GRIK5: variants seen among roughly 807,000 people sequenced by gnomAD.
GRIK5 encodes the protein glutamate ionotropic receptor kainate type subunit 5, also known as glutamate receptor ionotropic, kainate 5.
In GRIK5, 43 loss-of-function variants were observed where a neutral mutation model predicts 97.4. That is an observed-to-expected ratio of 0.44 (90% CI 0.35 to 0.57). The LOEUF is 0.57. Among genes scored for constraint, GRIK5 ranks in the 20% least tolerant of loss-of-function variants. The pLI is 0.01. For synonymous variants in GRIK5, 580 were observed against 583.5 expected (o/e 0.99, Z 0.09); for missense variants, 1,015 against 1,382.0 (o/e 0.73, Z 4.21).
At chr19:42,024,433 GAACT>G (rs2075743785) in intron 12 of GRIK5, among the ~76,000 whole-genome samples, 1 of 152,036 alleles carries the variant, frequency 6.6e-6, no homozygotes, top group African/African-American at 2.4e-5. Flanking sequence ...GGCTGGTCTT[GAACT>G]CCTGACCTCA....
At chr19:42,023,428 T>C (rs2075727823) in intron 12 of GRIK5, among the ~76,000 whole-genome samples, 1 of 152,166 alleles carries the variant, frequency 6.6e-6, no homozygotes, top group African/African-American at 2.4e-5. Context: ...TGAATTGTCG[T>C]GGAAATCATC....
In GRIK5 at chr19:42,065,696, G is replaced by T. The variant is rs752815054; in HGVS notation, c.75C>A (p.Arg25=). ...CAGGGTGCGGGAGGGCCTCACCCAT[G>T]CGCAGTGATGAGAGCACCTGGCAGC... ...SPSCQVLSSL[R]MAAILDDQTV... is the part of the protein sequence containing the mutation. Residue 25 remains arginine (R), a synonymous_variant, in exon 2 of 20, where the codon CGC becomes CGA. Transcript: ENST00000593562. The surrounding 1 kb of genome is among the most constrained non-coding windows in gnomAD (Gnocchi z 5.8). 2 of 1,587,978 alleles carry T rather than the reference G, an allele frequency of 1.3e-6. No homozygotes were observed. Among genetic ancestry groups the T allele is most frequent in the East Asian group, 2.3e-5 (1 of 43,370 alleles).
chr19:42,004,131 A>G (rs2146012688), intron 17 of GRIK5, among the ~76,000 whole-genome samples: 1 of 152,264 alleles, frequency 6.6e-6, no homozygotes, highest in Admixed American at 6.5e-5. Context: ...TGATGACTTT[A>G]TTTAAAATGG....
In GRIK5 at chr19:42,053,858, G is replaced by T. The variant is rs1455594732; in HGVS notation, c.1128C>A (p.Arg376=). The change falls in exon 10 of 20, where the codon CGC becomes CGA. Residue 376 remains arginine, a synonymous_variant. Coordinates refer to ENST00000593562, the MANE Select transcript of GRIK5 (RefSeq NM_002088.5). The part of the protein sequence containing the change: ...SKGQRTNYTL[R]ILEKSRQGHR... ...GGCCCTGCCGGGACTTTTCTAGGATGCGCAGGGTGTAGTTGGTTCTCTGCC... is the reference window on the plus strand; with the variant it reads ...GGCCCTGCCGGGACTTTTCTAGGATTCGCAGGGTGTAGTTGGTTCTCTGCC... 1 of 1,613,982 alleles carries T rather than the reference G, an allele frequency of 6.2e-7. No homozygotes were observed. The highest frequency in any genetic ancestry group is 1.7e-5 in the Admixed American group (1 of 60,032).
At chr19:42,047,445 A>G (rs1257247064) in intron 11 of GRIK5, among the ~76,000 whole-genome samples, 1 of 152,104 alleles carries the variant, frequency 6.6e-6, no homozygotes, top group Non-Finnish European at 1.5e-5. Context: ...CCTAAAGAAG[A>G]AAAGCAAAAC....
chr19:42,023,921 T>C (rs937100909), intron 12 of GRIK5, among the ~76,000 whole-genome samples: 3 of 152,160 alleles, frequency 2.0e-5, no homozygotes, highest in Admixed American at 1.3e-4. Flanking sequence ...CCCCCAGCAC[T>C]TAAGACAAAA....
chr19:42,048,120 T>C (rs772624089), intron 11 of GRIK5, among the ~76,000 whole-genome samples: 4 of 152,108 alleles, frequency 2.6e-5, no homozygotes, highest in African/African-American at 4.8e-5. Context: ...AATATCTTCA[T>C]GATATAGGGG....
rs1291539598 is a variant in GRIK5, at chr19:42,006,368, C to G, written c.2037+277G>C. Among the ~76,000 whole-genome samples the G allele has an allele frequency of 6.6e-6, 1 of 152,212 alleles. No homozygotes were observed. The highest frequency in any genetic ancestry group is 3.2e-3 in the Middle Eastern group (1 of 316). On this transcript the variant is annotated intron_variant, in intron 16 of 19. Coordinates refer to ENST00000593562, the MANE Select transcript of GRIK5 (RefSeq NM_002088.5). The surrounding 1 kb of genome is among the most constrained non-coding windows in gnomAD (Gnocchi z 5.3). ...TCCCTTCTCTCTGTCAGCCCATATT[C>G]CTGGTCCCGACCCTTCCAGCAGCCT...
chr19:42,009,335 C>T (rs1046364718), intron 15 of GRIK5, among the ~76,000 whole-genome samples: 5 of 151,894 alleles, frequency 3.3e-5, no homozygotes, highest in South Asian at 2.1e-4. Flanking sequence ...CTCCGCTTCC[C>T]GGGTTCAAGC....
At chr19:42,068,996 G>C (rs756906082) in intron 1 of GRIK5, 2 of 533,542 alleles carry the variant, frequency 3.7e-6, no homozygotes, top group Non-Finnish European at 6.7e-6. Context: ...AATCAGCCCC[G>C]TAGGACCCCA....
At chr19:42,005,538 G>C (rs1568880748) in intron 17 of GRIK5, among the ~76,000 whole-genome samples, 185 bp downstream of exon 17, 3 of 152,344 alleles carry the variant, frequency 2.0e-5, no homozygotes, top group East Asian at 3.9e-4. Context: ...GCTAGGCCTG[G>C]TTTTGCAGGT....
intron 15 of GRIK5, among the ~76,000 whole-genome samples, chr19:42,007,979 A>C (rs985490592): frequency 5.3e-5 from 8 of 152,314 alleles, no homozygotes; most frequent in African/African-American, 1.4e-4. Context: ...GAAAAAGTTT[A>C]TAAATACTCT....
Position 42,002,474 on chromosome 19 carries a change from T to C in GRIK5, c.2514+858A>G, listed in dbSNP as rs2075434604. 1 of 717,520 alleles carries C rather than the reference T, an allele frequency of 1.4e-6. No homozygotes were observed. The highest frequency in any genetic ancestry group is 2.6e-6 in the Non-Finnish European group (1 of 384,996). The allele number at this position is 717,520 out of a possible 1,614,324, so 44.4% of individuals were successfully genotyped here. On this transcript the variant is annotated intron_variant, in intron 19 of 19. Transcript: ENST00000593562. The surrounding 1 kb of genome is among the most constrained non-coding windows in gnomAD (Gnocchi z 5.2). ...GTGGAGGGCACCTTTACTAGCAGCA[T>C]GGACGGCTCCTTCAGAGGAGTCCTT...
At chr19:42,017,509 G>A (rs182736437) in intron 15 of GRIK5, among the ~76,000 whole-genome samples, 24 of 152,286 alleles carry the variant, frequency 1.6e-4, no homozygotes, top group African/African-American at 5.5e-4. Flanking sequence ...AGAGGGTGTT[G>A]GGTCTGCAAG....
chr19:42,039,350 G>A (rs1249896895), intron 12 of GRIK5, among the ~76,000 whole-genome samples: 2 of 152,210 alleles, frequency 1.3e-5, no homozygotes, highest in East Asian at 1.9e-4. Flanking sequence ...GCATGCGCCT[G>A]TAGTCCCAGC....
intron 15 of GRIK5, among the ~76,000 whole-genome samples, chr19:42,014,275 T>C (rs576962283): frequency 1.2e-4 from 18 of 152,048 alleles, no homozygotes; most frequent in African/African-American, 4.3e-4. Context: ...GCGCTTGTAG[T>C]CCCAGCTACT....
At chr19:42,052,640 C>T (rs765644836) in intron 11 of GRIK5, among the ~76,000 whole-genome samples, 10 of 152,228 alleles carry the variant, frequency 6.6e-5, no homozygotes, top group African/African-American at 9.6e-5. Flanking sequence ...AGTTACTGAG[C>T]GGCTCCCTCA....
chr19:42,032,802 A>G (rs2146082072), intron 12 of GRIK5, among the ~76,000 whole-genome samples: 1 of 152,154 alleles, frequency 6.6e-6, no homozygotes, highest in African/African-American at 2.4e-5. Context: ...TCTTCCTCTT[A>G]TGCACATCCA....
intron 15 of GRIK5, among the ~76,000 whole-genome samples, chr19:42,013,534 G>A (rs979374738): frequency 4.0e-5 from 6 of 149,582 alleles, no homozygotes; most frequent in African/African-American, 9.9e-5. Context: ...CTCAGCCTCC[G>A]GAGTAGCTGG....
Sources: gnomAD v4.1 joint callset for allele counts (sites outside exome capture counted in the v4.1 genomes callset) on GRCh38, gnomAD v4.1.1 for gene constraint, Gnocchi (gnomAD v3.1) non-coding constraint, MANE v1.5 for transcripts, NCBI Gene and HGNC (gene_info 2026-07-23, HGNC 2026-07-21) for gene names.